PDE10A: variants seen among roughly 807,000 people sequenced by gnomAD.
PDE10A encodes phosphodiesterase 10A, also known as cAMP and cAMP-inhibited cGMP 3',5'-cyclic phosphodiesterase 10A.
Under a neutral mutation model 97.7 loss-of-function variants are expected in PDE10A, and 39 were observed. The ratio of observed to expected loss-of-function variants is 0.40; its 90% CI spans 0.31 to 0.52. The LOEUF is 0.52. Ranked by LOEUF, PDE10A falls within the 20% of genes least tolerant of loss-of-function variation. PDE10A has a pLI of 0.56. For synonymous variants in PDE10A, 371 were observed against 376.8 expected (o/e 0.98, Z 0.18); for missense variants, 731 against 1,047.8 (o/e 0.70, Z 4.17).
chr6:165,900,387 G>C (rs1175520396), intron 1 of PDE10A, among the ~76,000 whole-genome samples: 1 of 152,078 alleles, frequency 6.6e-6, no homozygotes, highest in Non-Finnish European at 1.5e-5. Flanking sequence ...CAGGAGAATG[G>C]CTTGAACCCA....
chr6:165,534,868 T>C (rs1194239506), intron 2 of PDE10A, among the ~76,000 whole-genome samples: 1 of 151,988 alleles, frequency 6.6e-6, no homozygotes. Context: ...ACTGAAGCCT[T>C]TCCTGTAAGA....
chr6:165,618,937 G>C (rs1787851876), intron 1 of PDE10A, among the ~76,000 whole-genome samples: 1 of 147,430 alleles, frequency 6.8e-6, no homozygotes, highest in African/African-American at 2.7e-5. Flanking sequence ...GTGTAGTCTA[G>C]TGTAGTCTAG....
chr6:165,741,299 G>T (rs547533876), intron 1 of PDE10A, among the ~76,000 whole-genome samples: 8 of 151,970 alleles, frequency 5.3e-5, no homozygotes, highest in Non-Finnish European at 7.4e-5. Flanking sequence ...AAAGAAACTG[G>T]ATATATGTAC....
intron 1 of PDE10A, among the ~76,000 whole-genome samples, chr6:165,639,361 A>C (rs949242983): frequency 2.0e-5 from 3 of 152,142 alleles, no homozygotes; most frequent in Non-Finnish European, 2.9e-5. Flanking sequence ...TCATTTGCAC[A>C]ATTTAAAACT....
chr6:165,707,347 G>C (rs569728688), intron 1 of PDE10A, among the ~76,000 whole-genome samples: 3 of 152,348 alleles, frequency 2.0e-5, no homozygotes, highest in African/African-American at 7.2e-5. Flanking sequence ...CCTGCACAGA[G>C]CAGGGTTTGC....
intron 1 of PDE10A, among the ~76,000 whole-genome samples, chr6:165,882,565 G>A (rs1478578619): frequency 7.2e-5 from 11 of 152,142 alleles, no homozygotes; most frequent in African/African-American, 1.2e-4. Flanking sequence ...GGTTCAGCAT[G>A]GCCATGAGTT....
intron 1 of PDE10A, among the ~76,000 whole-genome samples, chr6:165,930,592 T>A (rs573149666): frequency 1.3e-5 from 2 of 152,348 alleles, no homozygotes; most frequent in East Asian, 3.9e-4. Context: ...ATACTCAGGG[T>A]CTGCCTTCAT....
At chr6:165,424,793 T>C (rs148453248) in intron 10 of PDE10A, among the ~76,000 whole-genome samples, 84 of 152,290 alleles carry the variant, frequency 5.5e-4, no homozygotes, top group African/African-American at 1.9e-3. Context: ...TGGTTCAACA[T>C]TGAGTAATAA....
chr6:165,893,669 T>C (rs966135973), intron 1 of PDE10A, among the ~76,000 whole-genome samples: 2 of 152,168 alleles, frequency 1.3e-5, no homozygotes, highest in Admixed American at 6.5e-5. Context: ...CTAATGCCTT[T>C]CCTTTCCTGT....
chr6:165,580,860 C>A (rs9356377), intron 1 of PDE10A, among the ~76,000 whole-genome samples: 4 of 149,778 alleles, frequency 2.7e-5, no homozygotes, highest in African/African-American at 7.4e-5. Context: ...AGTCTCCTAC[C>A]CGATGAGAAG....
chr6:165,598,678 TTAA>T (rs1266087572), intron 1 of PDE10A, among the ~76,000 whole-genome samples: 1 of 152,180 alleles, frequency 6.6e-6, no homozygotes, highest in Admixed American at 6.5e-5. Flanking sequence ...AACACGGCAA[TTAA>T]TAAATGGTTC....
chr6:165,382,174 T>C (rs1274675850), intron 17 of PDE10A, among the ~76,000 whole-genome samples: 1 of 152,192 alleles, frequency 6.6e-6, no homozygotes, highest in East Asian at 1.9e-4. Context: ...TGAGATCTGA[T>C]ATTAGAGAAT....
intron 16 of PDE10A, among the ~76,000 whole-genome samples, chr6:165,389,602 T>C (rs1197555673): frequency 6.6e-6 from 1 of 152,196 alleles, no homozygotes; most frequent in South Asian, 2.1e-4. Flanking sequence ...ACATTTAGAC[T>C]GAGGCGAAGG....
At chr6:165,875,250 T>C (rs539723123) in intron 1 of PDE10A, among the ~76,000 whole-genome samples, 46 of 152,198 alleles carry the variant, frequency 3.0e-4, no homozygotes, top group Non-Finnish European at 5.7e-4. Context: ...TGCTACACTG[T>C]CTGTCATTGT....
chr6:165,881,424 T>A (rs902604314), intron 1 of PDE10A, among the ~76,000 whole-genome samples: 6 of 139,812 alleles, frequency 4.3e-5, no homozygotes, highest in African/African-American at 1.6e-4. Context: ...TGAGATGGAG[T>A]CTTGCTCTGT....
At chr6:165,532,101 C>A (rs995572937) in intron 2 of PDE10A, among the ~76,000 whole-genome samples, 1 of 152,028 alleles carries the variant, frequency 6.6e-6, no homozygotes, top group Non-Finnish European at 1.5e-5. Context: ...GCTAGCCAAC[C>A]GGCTTTACAC....
upstream of PDE10A, among the ~76,000 whole-genome samples, chr6:165,667,602 A>G (rs1188285894): frequency 1.3e-5 from 2 of 151,852 alleles, no homozygotes; most frequent in Non-Finnish European, 2.9e-5. Flanking sequence ...ATAGGTGTGA[A>G]GAATCCATTC....
chr6:165,907,381 C>A (rs1021013348), intron 1 of PDE10A, among the ~76,000 whole-genome samples: 8 of 152,350 alleles, frequency 5.3e-5, no homozygotes, highest in Non-Finnish European at 1.2e-4. Context: ...CGAGAGCCTC[C>A]CTCTGAAAGA....
chr6:165,795,475 C>T (rs1397292921), intron 1 of PDE10A, among the ~76,000 whole-genome samples: 1 of 152,050 alleles, frequency 6.6e-6, no homozygotes, highest in Non-Finnish European at 1.5e-5. Flanking sequence ...CCTGTAGTCC[C>T]AGCAATTTGG....
Sources: allele counts gnomAD v4.1 joint callset (sites outside exome capture counted in the v4.1 genomes callset), GRCh38; gene constraint gnomAD v4.1.1; transcripts MANE v1.5; gene names NCBI Gene and HGNC (gene_info 2026-07-23, HGNC 2026-07-21).